GNAS: variants seen among roughly 807,000 people sequenced by gnomAD.
The protein encoded by GNAS is protein ALEX.
In GNAS, 8 loss-of-function variants were observed where a neutral mutation model predicts 54.5. That is an observed-to-expected ratio of 0.15 (90% CI 0.09 to 0.26). The LOEUF (loss-of-function observed/expected upper bound fraction) is 0.26, where lower values mean the gene tolerates loss of function less well. Ranked by LOEUF, GNAS falls within the 10% of genes least tolerant of loss-of-function variation. GNAS has a pLI of 1.00. For missense variants in GNAS, 170 were observed against 529.8 expected, an observed-to-expected ratio of 0.32 and a Z score of 6.67; for synonymous variants, 204 against 191.4, an observed-to-expected ratio of 1.07 and a Z score of -0.54.
At chr20:58,890,076 G>A (rs1340182888), upstream of GNAS, among the ~76,000 whole-genome samples, 9 of 151,736 alleles carry the variant, frequency 5.9e-5, no homozygotes, top group East Asian at 1.7e-3. Flanking sequence ...GGCGCGGGAG[G>A]CGCTCCCCGA....
chr20:58,902,027 T>G (rs1368749596), intron 3 of GNAS, among the ~76,000 whole-genome samples: 2 of 152,032 alleles, frequency 1.3e-5, no homozygotes, highest in African/African-American at 2.4e-5. Flanking sequence ...CTTCAAAAAC[T>G]GGGACTCTCA....
Position 58,841,309 on chromosome 20 carries a change from C to G in GNAS, c.43+423C>G, listed in dbSNP as rs1356538949. The G allele has an allele frequency of 1.9e-6, 2 of 1,060,010 alleles. No homozygotes were observed. Among genetic ancestry groups the G allele is most frequent in the Admixed American group, 5.0e-5 (1 of 20,164 alleles). 65.7% of individuals were successfully genotyped at this position (1,060,010 alleles called of 1,614,324 possible). On this transcript the variant is annotated intron_variant, in intron 1 of 12. Transcript: ENST00000306090. This position sits in a 1 kb window ranked among gnomAD's most constrained non-coding sequence, Gnocchi z 5.0. Reference sequence around the variant, plus strand: ...CTTCTCAGGTGTCCAAAATGTGGTTCGGAGGTGCGCGCGCCAACTTTCACG... The same window carrying G: ...CTTCTCAGGTGTCCAAAATGTGGTTGGGAGGTGCGCGCGCCAACTTTCACG...
At chr20:58,906,660 T>C (rs1006721200) in intron 6 of GNAS, among the ~76,000 whole-genome samples, 1 of 152,204 alleles carries the variant, frequency 6.6e-6, no homozygotes, top group African/African-American at 2.4e-5. Context: ...GCCTCCCGAG[T>C]AGCTGGGACT....
intron 1 of GNAS, among the ~76,000 whole-genome samples, chr20:58,875,762 G>A (rs565585228): frequency 6.6e-6 from 1 of 152,318 alleles, no homozygotes; most frequent in East Asian, 1.9e-4. Flanking sequence ...GGCTCCGGTC[G>A]ATAATGACAA....
At position 58,853,924 on chromosome 20, in the gene GNAS, C is replaced by A; in HGVS notation, c.43+13038C>A. ...TCCAGAGGAGGCTACAGCCCTCCCC[C>A]TGAGGAGACTATGCCATTTGAGCTT... On this transcript the variant is annotated intron_variant, in intron 1 of 12. Transcript: ENST00000306090. The surrounding 1 kb of genome is among the most constrained non-coding windows in gnomAD (Gnocchi z 4.4). The A allele has an allele frequency of 1.2e-6, 2 of 1,610,722 alleles. No individual in the cohort carries two copies. The highest frequency in any genetic ancestry group is 2.2e-5 in the South Asian group (2 of 90,700).
intron 2 of GNAS, chr20:58,898,087 ACT>A (rs1223866754): frequency 2.0e-5 from 3 of 152,234 alleles, no homozygotes; most frequent in African/African-American, 4.8e-5. Flanking sequence ...CTAACTCAAA[ACT>A]AACTCTGTTT....
At chr20:58,855,482 G>T in intron 1 of GNAS, 1 of 799,948 alleles carries the variant, frequency 1.3e-6, no homozygotes, top group Non-Finnish European at 2.2e-6. Context: ...GTTCCAGGGA[G>T]GGACCCTAAC....
chr20:58,893,071 T>TC (rs2089652987), intron 1 of GNAS, among the ~76,000 whole-genome samples: 5 of 61,490 alleles, frequency 8.1e-5, no homozygotes, highest in Admixed American at 2.3e-4. Flanking sequence ...GGTTTCTTTT[T>TC]TTTTTTTTTT....
Position 58,891,706 on chromosome 20 carries a change from CCCGCCG to C in GNAS, c.-6_-1del, listed in dbSNP as rs745433225. ...CGCCGCCGCCGCAGCCCGGCCGCGC[CCCGCCG>C]CCGCCGCCGCCGCCATGGGCTGCCT... On this transcript the variant is annotated 5_prime_UTR_variant, in exon 1 of 13. Transcript: ENST00000371085. The C allele has an allele frequency of 6.9e-5, 73 of 1,062,634 alleles. No individual in the cohort carries two copies. The highest frequency in any genetic ancestry group is 2.4e-4 in the African/African-American group (14 of 57,884). The allele number at this position is 1,062,634 out of a possible 1,614,324, so 65.8% of individuals were successfully genotyped here. A position where few individuals can be genotyped will look rare whatever the true frequency, so the allele number is the denominator to read the frequency against.
chr20:58,889,555 C>G (rs888938907), upstream of GNAS: 6 of 154,984 alleles, frequency 3.9e-5, no homozygotes, highest in African/African-American at 1.5e-4. Context: ...TGAGGGTAAA[C>G]AGACTCCTGC....
chr20:58,881,146 T>C (rs1238156210), intron 1 of GNAS, among the ~76,000 whole-genome samples: 1 of 152,248 alleles, frequency 6.6e-6, no homozygotes, highest in Non-Finnish European at 1.5e-5. Flanking sequence ...AAGGAACTTT[T>C]CAGGCTGAGA....
intron 1 of GNAS, among the ~76,000 whole-genome samples, chr20:58,874,580 G>A (rs1425256517): frequency 1.3e-5 from 2 of 151,260 alleles, no homozygotes; most frequent in Non-Finnish European, 2.9e-5. Context: ...CCCCGTCTTA[G>A]CTCTAGCCTT....
intron 5 of GNAS, among the ~76,000 whole-genome samples, chr20:58,904,749 T>C (rs1449524039): frequency 6.6e-6 from 1 of 152,196 alleles, no homozygotes; most frequent in African/African-American, 2.4e-5. Context: ...ACTTTTTAAA[T>C]AGCATTATTT....
intron 2 of GNAS, chr20:58,897,340 C>G (rs1401823504): frequency 1.3e-5 from 2 of 152,212 alleles, no homozygotes; most frequent in African/African-American, 4.8e-5. Flanking sequence ...GAAGAAAAAT[C>G]TTGCATAAAT....
chr20:58,854,676 C>T, intron 1 of GNAS: 2 of 1,528,258 alleles, frequency 1.3e-6, no homozygotes, highest in South Asian at 1.2e-5. Context: ...CGGGGCGGCC[C>T]CTGAGGCTCC....
intron 3 of GNAS, chr20:58,899,334 ACTAT>A (rs760964804): frequency 2.2e-4 from 112 of 499,826 alleles, no homozygotes; most frequent in Middle Eastern, 1.7e-3. Flanking sequence ...TTGTTTTAAA[ACTAT>A]CTACTAAATT....
At chr20:58,880,970 C>A (rs991585068) in intron 1 of GNAS, among the ~76,000 whole-genome samples, 12 of 152,164 alleles carry the variant, frequency 7.9e-5, no homozygotes, top group Non-Finnish European at 1.3e-4. Flanking sequence ...AAGAACGTGC[C>A]AGGTATGAAA....
chr20:58,870,057 C>G (rs769062385), intron 1 of GNAS, among the ~76,000 whole-genome samples: 7 of 152,236 alleles, frequency 4.6e-5, no homozygotes, highest in Non-Finnish European at 1.0e-4. Flanking sequence ...GCCTCCCACA[C>G]AAGGACCTAC....
In GNAS at chr20:58,891,541, C is replaced by A. The variant is rs2089310816; in HGVS notation, c.-186C>A. 7.2e-6 allele frequency: 7 copies of A among 976,702 alleles called. No homozygotes were observed. Among genetic ancestry groups the A allele is most frequent in the Non-Finnish European group, 8.5e-6 (7 of 825,168 alleles). The allele number at this position is 976,702 out of a possible 1,614,324, so 60.5% of individuals were successfully genotyped here. On this transcript the variant is annotated 5_prime_UTR_variant, in exon 1 of 13. Transcript: ENST00000371085. ...CCCTCGGTCCGACCGACACCCTCCC[C>A]TTCCCGCCCGTCCGCGCGCCCCGCG... is the stretch of plus-strand genomic sequence containing the variant.
Sources: allele counts gnomAD v4.1 joint callset (sites outside exome capture counted in the v4.1 genomes callset), GRCh38; gene constraint gnomAD v4.1.1; non-coding constraint Gnocchi (gnomAD v3.1); transcripts MANE v1.5; gene names NCBI Gene and HGNC (gene_info 2026-07-23, HGNC 2026-07-21).